The following SLC22A17 variants were observed in gnomAD, a reference collection of about 807,000 sequenced individuals.
The protein encoded by SLC22A17 is 24p3 receptor.
Under a neutral mutation model 53.6 loss-of-function variants are expected in SLC22A17, and 38 were observed. The observed-to-expected ratio is 0.71, with a 90% CI of 0.55 to 0.93. SLC22A17 has a LOEUF of 0.93. Ranked by LOEUF, SLC22A17 falls within the 40% of genes least tolerant of loss-of-function variation. The pLI is 0.00. For synonymous variants in SLC22A17, 379 were observed against 353.0 expected (o/e 1.07, Z -0.82); for missense variants, 704 against 791.0 (o/e 0.89, Z 1.32).
intron 2 of SLC22A17, 28 bp from the exon 3 acceptor site, chr14:23,351,883 C>G: frequency 6.2e-7 from 1 of 1,611,384 alleles, no homozygotes; most frequent in Non-Finnish European, 8.5e-7. Flanking sequence ...GTGCAGCGGG[C>G]GTGAGGCCCC....
At position 23,347,613 on chromosome 14, in the gene SLC22A17, G is replaced by A. The variant is rs1440867417; in HGVS notation, c.1396C>T (p.Leu466=). ...CCAAATCGGTCCACGGTGACCCCCA[G>A]GAAGACACAGGCCAGGGCTGCGGTG... Residue 466 remains leucine (L), a synonymous_variant, in exon 8 of 10, where the codon CTG becomes TTG. Coordinates refer to ENST00000397267, the Ensembl canonical transcript of SLC22A17. The surrounding 1 kb of genome is among the most constrained non-coding windows in gnomAD (Gnocchi z 5.1). The A allele has an allele frequency of 6.2e-7, 1 of 1,613,926 alleles. No individual in the cohort carries two copies. The highest frequency in any genetic ancestry group is 1.3e-5 in the African/African-American group (1 of 74,904).
In SLC22A17 at chr14:23,346,481, C is replaced by A; in HGVS notation, c.*167G>T. 3.6e-6 allele frequency: 3 copies of A among 829,660 alleles called. No individual in the cohort carries two copies. In the East Asian group the frequency reaches 8.3e-5, roughly 23 times the overall value. The allele number at this position is 829,660 out of a possible 1,614,324, so 51.4% of individuals were successfully genotyped here. A position where few individuals can be genotyped will look rare whatever the true frequency, so the allele number is the denominator to read the frequency against. On this transcript the variant is annotated 3_prime_UTR_variant, in exon 10 of 10. Coordinates refer to ENST00000397267, the Ensembl canonical transcript of SLC22A17. Reference sequence around the variant, plus strand: ...TCTGGCCAAGGAAGTGAATGCAAAGCAGCAGGGAGGAGGCAGGGTGGGGAC... The same window carrying A: ...TCTGGCCAAGGAAGTGAATGCAAAGAAGCAGGGAGGAGGCAGGGTGGGGAC...
At position 23,346,784 on chromosome 14, in the gene SLC22A17, G is replaced by A. The variant is rs761445412; in HGVS notation, c.1814C>T (p.Pro605Leu). Residue 605 changes from proline (P) to leucine (L), a missense_variant, in exon 10 of 10, where the codon CCG becomes CTG. Transcript: ENST00000397267. Reference sequence around the variant, plus strand: ...GGGCAGGAGCTTGCGCTTGGTCTCCGGCAGCAGCATAATGCTGAGAATGCA... The same window carrying A: ...GGGCAGGAGCTTGCGCTTGGTCTCCAGCAGCAGCATAATGCTGAGAATGCA... 2.4e-5 allele frequency: 37 copies of A among 1,542,932 alleles called. No individual in the cohort carries two copies. Among genetic ancestry groups the A allele is most frequent in the Non-Finnish European group, 2.7e-5 (31 of 1,150,602 alleles).
chr14:23,351,715 T>A (rs775015962), intron 3 of SLC22A17, 37 bp downstream of exon 3: 1 of 1,573,340 alleles, frequency 6.4e-7, no homozygotes, highest in Non-Finnish European at 8.6e-7. Flanking sequence ...TAGCACCCCC[T>A]CCTTTCTACC....
Position 23,347,084 on chromosome 14 carries a change from G to T in SLC22A17, c.1661+17C>A. ...GAGGGGGCCCGGCTCTGCCCCTGGGGGCACCCCTGCTCTCACCGGACAGTG... is the reference window on the plus strand; with the variant it reads ...GAGGGGGCCCGGCTCTGCCCCTGGGTGCACCCCTGCTCTCACCGGACAGTG... On this transcript the variant is annotated intron_variant, in intron 9 of 9. Coordinates refer to ENST00000397267, the Ensembl canonical transcript of SLC22A17. The surrounding 1 kb of genome is among the most constrained non-coding windows in gnomAD (Gnocchi z 5.1). The T allele has an allele frequency of 1.2e-6, 2 of 1,604,350 alleles. No individual in the cohort carries two copies. Among genetic ancestry groups the T allele is most frequent in the Non-Finnish European group, 1.7e-6 (2 of 1,175,232 alleles).
rs374902781 is a variant in SLC22A17, at chr14:23,346,943, G to A, written c.1662-7C>T. 2.1e-3 allele frequency: 3,274 copies of A among 1,526,702 alleles called. 6 individuals carry two copies. Among genetic ancestry groups the A allele is most frequent in the Non-Finnish European group, 2.7e-3 (3,095 of 1,141,746 alleles). The allele number at this position is 1,526,702 out of a possible 1,614,324, so 94.6% of individuals were successfully genotyped here. On this transcript the variant is annotated splice_region_variant and splice_polypyrimidine_tract_variant and intron_variant, in intron 9 of 9. Coordinates refer to ENST00000397267, the Ensembl canonical transcript of SLC22A17. The stretch of plus-strand genomic sequence containing the variant: ...CAGGCCCAGGCCACGGCCCCTGGGG[G>A]GAGACAGAGGAGGAGCTCAGCCCAC...
In SLC22A17 at chr14:23,351,746, C is replaced by T. The variant is rs1889633860; in HGVS notation, c.704+6G>A. On this transcript the variant is annotated splice_donor_region_variant and intron_variant, in intron 3 of 9. Coordinates refer to ENST00000397267, the Ensembl canonical transcript of SLC22A17. ...CTACCAGCCCTGCCCCCACGACAGC[C>T]CTCACCTGTCTGCGGGGTAACCCAG... 1.2e-6 allele frequency: 2 copies of T among 1,611,740 alleles called. No individual in the cohort carries two copies. Among genetic ancestry groups the T allele is most frequent in the Admixed American group, 3.4e-5 (2 of 59,268 alleles).
At chr14:23,351,041 G>A (rs1889592769) in intron 3 of SLC22A17, 1 of 152,238 alleles carries the variant, frequency 6.6e-6, no homozygotes, top group Admixed American at 6.5e-5. Context: ...CAGAATCAGA[G>A]ATGAGATTTT....
exon 4 of SLC22A17, chr14:23,349,291 G>T (rs1232380717): frequency 1.2e-6 from 2 of 1,614,018 alleles, no homozygotes; most frequent in Admixed American, 3.3e-5. Context: ...AGACACCCAG[G>T]TCAACACCGG....
chr14:23,347,492 G>T lies in SLC22A17; in HGVS notation c.1517C>A (p.Thr506Lys). The change falls in exon 8 of 10, where the codon ACA becomes AAA. Residue 506 changes from threonine (T) to lysine (K), a missense_variant. This residue lies in a region of SLC22A17 where 435 missense variants were observed against 529.0 expected (regional missense o/e 0.82). Transcript: ENST00000397267. This position sits in a 1 kb window ranked among gnomAD's most constrained non-coding sequence, Gnocchi z 5.1. ...GGGGTTCCCTTGTTGAGCCCACACTGTGGGGAAGATAGGATGCTCACAATC... is the reference window on the plus strand; with the variant it reads ...GGGGTTCCCTTGTTGAGCCCACACTTTGGGGAAGATAGGATGCTCACAATC... The T allele has an allele frequency of 6.2e-7, 1 of 1,614,076 alleles. No homozygotes were observed. Among genetic ancestry groups the T allele is most frequent in the Non-Finnish European group, 8.5e-7 (1 of 1,179,970 alleles).
In SLC22A17 at chr14:23,348,440, C is replaced by T. The variant is rs752224356; in HGVS notation, c.1025+66G>A. The stretch of plus-strand genomic sequence containing the variant: ...GTAGTTGGAGAAGAGGAGGGGTCTC[C>T]GGGCTAGGGCTAGTTTGGAGGCAGA... On this transcript the variant is annotated intron_variant, in intron 5 of 9. Transcript: ENST00000397267. The surrounding 1 kb of genome is among the most constrained non-coding windows in gnomAD (Gnocchi z 4.5). 2.0e-5 allele frequency: 31 copies of T among 1,588,002 alleles called. No homozygotes were observed. Among genetic ancestry groups the T allele is most frequent in the Admixed American group, 6.8e-5 (4 of 58,810 alleles).
intron 4 of SLC22A17, 145 bp downstream of exon 4, chr14:23,349,127 G>T: frequency 1.9e-6 from 2 of 1,040,746 alleles, no homozygotes; most frequent in Non-Finnish European, 1.5e-6. Context: ...CAAGAGCCCT[G>T]GATTCTTCAA....
chr14:23,349,150 A>G (rs1384164166), intron 4 of SLC22A17, 122 bp downstream of exon 4: 17 of 1,298,674 alleles, frequency 1.3e-5, no homozygotes, highest in Non-Finnish European at 1.8e-5. Flanking sequence ...GGGCCTGGGC[A>G]GAAAGATAGC....
intron 3 of SLC22A17, among the ~76,000 whole-genome samples, chr14:23,350,702 C>T (rs192973404): frequency 5.3e-5 from 8 of 152,214 alleles, no homozygotes; most frequent in Non-Finnish European, 1.0e-4. Context: ...CTGAAGGCTA[C>T]AGATTTTAGA....
At chr14:23,346,743 C>A (rs751922756) in exon 10 of SLC22A17, 10 of 1,544,608 alleles carry the variant, frequency 6.5e-6, no homozygotes, top group East Asian at 2.4e-5. Flanking sequence ...CACAGCTCCC[C>A]GTCCCGGAGC....
chr14:23,351,838 G>A (rs374337000), exon 3 of SLC22A17: 2 of 1,613,428 alleles, frequency 1.2e-6, no homozygotes, highest in Non-Finnish European at 1.7e-6. Flanking sequence ...GCCAGCCCAG[G>A]TCACACACCA....
rs779850857 is a variant in SLC22A17 at position 23,346,759 on chromosome 14, G to C, written c.1839C>G (p.Pro613=). The stretch of plus-strand genomic sequence containing the variant: ...ACAGCTCCCCGTCCCGGAGCACCTC[G>C]GGCAGGAGCTTGCGCTTGGTCTCCG... The change falls in exon 10 of 10, where the codon CCC becomes CCG. Residue 613 remains proline, a synonymous_variant. Coordinates refer to ENST00000397267, the Ensembl canonical transcript of SLC22A17. 8.4e-6 allele frequency: 13 copies of C among 1,544,522 alleles called. No individual in the cohort carries two copies. The African/African-American group carries it at 1.2e-4, about 14-fold the overall frequency.
chr14:23,351,325 ATTTG>A (rs775034456), intron 3 of SLC22A17: 82 of 158,704 alleles, frequency 5.2e-4, no homozygotes, highest in East Asian at 7.5e-4. Flanking sequence ...AAATGGGGTA[ATTTG>A]TTTGTGAAGT....
rs1889679252 is a variant in SLC22A17 at position 23,352,143 on chromosome 14, G to A, written c.405C>T (p.Ala135=). Residue 135 remains alanine (A), a synonymous_variant, in exon 2 of 10, where the codon GCC becomes GCT. Coordinates refer to ENST00000397267, the Ensembl canonical transcript of SLC22A17. The surrounding 1 kb of genome is among the most constrained non-coding windows in gnomAD (Gnocchi z 7.2). ...CATTGGGAGGCTGCTCCCAGCCAGA[G>A]GCATTAGGGGGGAAGGCCCCGTAGT... 1.9e-6 allele frequency: 3 copies of A among 1,568,986 alleles called. No homozygotes were observed. The highest frequency in any genetic ancestry group is 2.0e-5 in the Admixed American group (1 of 51,234).
Sources: allele counts gnomAD v4.1 joint callset (sites outside exome capture counted in the v4.1 genomes callset), GRCh38; gene constraint gnomAD v4.1.1; regional missense constraint gnomAD v4.1.1; non-coding constraint Gnocchi (gnomAD v3.1); transcripts MANE v1.5; gene names NCBI Gene and HGNC (gene_info 2026-07-23, HGNC 2026-07-21).